Variants in FNDC1 observed in about 807,000 individuals in gnomAD.
FNDC1 encodes the protein fibronectin type III domain containing 1.
A neutral mutation model predicts 168.0 loss-of-function variants in FNDC1; 96 were observed. The observed-to-expected ratio is 0.57, with a 90% CI of 0.48 to 0.68. The LOEUF (loss-of-function observed/expected upper bound fraction) is 0.68. FNDC1 is among the 30% of genes least tolerant of loss of function. The pLI is 0.00. For synonymous variants in FNDC1, 1,099 were observed against 1,025.9 expected, an observed-to-expected ratio of 1.07 and a Z score of -1.36; for missense variants, 2,587 against 2,482.1, an observed-to-expected ratio of 1.04 and a Z score of -0.90.
In FNDC1 at chr6:159,169,662, C is replaced by G. The variant is rs1207581774; in HGVS notation, c.66C>G (p.Leu22=). 9.4e-6 allele frequency: 11 copies of G among 1,165,784 alleles called. No individual in the cohort carries two copies. Among genetic ancestry groups the G allele is most frequent in the Non-Finnish European group, 2.1e-6 (2 of 946,678 alleles). 72.2% of individuals were successfully genotyped at this position (1,165,784 alleles called of 1,614,324 possible). ...PRRLSWAALL[L]LAALLPVASS... The stretch of plus-strand genomic sequence containing the variant: ...GGCTGTCCTGGGCGGCGCTGCTGCT[C>G]TTGGCCGCGCTGCTCCCCGTCGCCT... Residue 22 remains leucine (L), a synonymous_variant, in exon 1 of 23, where the codon CTC becomes CTG. Coordinates refer to ENST00000297267, the MANE Select transcript of FNDC1 (RefSeq NM_032532.3). This position sits in a 1 kb window ranked among gnomAD's most constrained non-coding sequence, Gnocchi z 6.8.
rs1213945591 is a variant in FNDC1 at position 159,231,997 on chromosome 6, T to C, written c.1485T>C (p.Ala495=). 6.2e-6 allele frequency: 10 copies of C among 1,613,980 alleles called. No homozygotes were observed. Among genetic ancestry groups the C allele is most frequent in the East Asian group, 2.2e-5 (1 of 44,874 alleles). Residue 495 remains alanine (A), a synonymous_variant, in exon 11 of 23, where the codon GCT becomes GCC. Transcript: ENST00000297267. The stretch of plus-strand genomic sequence containing the variant: ...CCTCCCAACACCCCTCTGTGCCTGC[T>C]TCTCCCCAAGGGAGAAATGCCAAGG... ...PASSQHPSVP[A]SPQGRNAKDL...
In FNDC1 at chr6:159,272,087, A is replaced by C. The variant is rs1304303549; in HGVS notation, c.*645A>C. Reference sequence around the variant, plus strand: ...TGCAAGAATATTGATTAAAATTGCTAAATTTGTACTTGTTCACCAGATAAA... The same window carrying C: ...TGCAAGAATATTGATTAAAATTGCTCAATTTGTACTTGTTCACCAGATAAA... On this transcript the variant is annotated 3_prime_UTR_variant, in exon 23 of 23. Transcript: ENST00000297267. 6.6e-6 allele frequency: 1 copy of C among 152,274 alleles called. No individual in the cohort carries two copies. Among genetic ancestry groups the C allele is most frequent in the Non-Finnish European group, 1.5e-5 (1 of 68,096 alleles). The allele number at this position is 152,274 out of a possible 1,614,324, so 9.4% of individuals were successfully genotyped here.
chr6:159,271,399 T>G lies in FNDC1; in HGVS notation c.5642T>G (p.Val1881Gly). 6.2e-7 allele frequency: 1 copy of G among 1,612,568 alleles called. No homozygotes were observed. Among genetic ancestry groups the G allele is most frequent in the African/African-American group, 1.3e-5 (1 of 75,020 alleles). ...GGCTTCGGAACCCCCTACTACTATG[T>G]GGGCTGGTACGAGTGTGGGGTCTCC... ...NIGFGTPYYY[V>G]GWYECGVSIP... The change falls in exon 23 of 23, where the codon GTG becomes GGG. Residue 1881 changes from valine (V) to glycine (G), a missense_variant. Coordinates refer to ENST00000297267, the MANE Select transcript of FNDC1 (RefSeq NM_032532.3).
chr6:159,211,566 C>G (rs1036413061), intron 4 of FNDC1, among the ~76,000 whole-genome samples: 31 of 152,042 alleles, frequency 2.0e-4, no homozygotes, highest in African/African-American at 7.2e-4. Context: ...TTCTTTGAAA[C>G]ATTTTTTTTT....
chr6:159,244,244 C>A (rs1413842819), intron 14 of FNDC1, among the ~76,000 whole-genome samples: 6 of 152,192 alleles, frequency 3.9e-5, no homozygotes, highest in African/African-American at 1.4e-4. Flanking sequence ...AACCTGAAAA[C>A]TGATTTGAAT....
chr6:159,216,767 T>C (rs77958907), intron 5 of FNDC1, among the ~76,000 whole-genome samples: 3,109 of 152,368 alleles, frequency 0.02, 105 homozygotes, highest in African/African-American at 0.071. Flanking sequence ...TCCAGCTTGC[T>C]TCTTACTTAC....
chr6:159,169,856 T>C lies in FNDC1; in HGVS notation c.109+151T>C, dbSNP rs529842086. On this transcript the variant is annotated intron_variant, in intron 1 of 22. Transcript: ENST00000297267. This position sits in a 1 kb window ranked among gnomAD's most constrained non-coding sequence, Gnocchi z 6.8. ...GCGGGTCGGGGCACTTGGCGCCCTG[T>C]GTGGGTGGCGGGAGCGGGGACGCCT... The C allele has an allele frequency of 3.0e-4, 75 of 250,352 alleles. No homozygotes were observed. Among genetic ancestry groups the C allele is most frequent in the Admixed American group, 8.0e-4 (14 of 17,598 alleles). 15.5% of individuals were successfully genotyped at this position (250,352 alleles called of 1,614,324 possible).
intron 17 of FNDC1, among the ~76,000 whole-genome samples, chr6:159,254,319 C>T (rs189571269): frequency 1.6e-4 from 25 of 152,284 alleles, no homozygotes; most frequent in African/African-American, 5.5e-4. Flanking sequence ...CTTCTCTCCC[C>T]TCAGAGTCTC....
intron 16 of FNDC1, among the ~76,000 whole-genome samples, chr6:159,250,778 C>T (rs962841011): frequency 5.3e-5 from 8 of 152,176 alleles, no homozygotes; most frequent in South Asian, 2.1e-4. Context: ...TAGTTCAGGC[C>T]GGGCCTTATG....
chr6:159,219,754 A>G (rs1159294688), intron 5 of FNDC1, among the ~76,000 whole-genome samples: 2 of 152,184 alleles, frequency 1.3e-5, no homozygotes, highest in African/African-American at 4.8e-5. Flanking sequence ...TCAGAACTTT[A>G]AGAAATACAT....
chr6:159,263,814 G>A (rs1464743147), intron 19 of FNDC1, among the ~76,000 whole-genome samples: 1 of 151,898 alleles, frequency 6.6e-6, no homozygotes, highest in Non-Finnish European at 1.5e-5. Flanking sequence ...AATTAGCCAG[G>A]CATGATGGCG....
chr6:159,227,800 C>T (rs409843), intron 9 of FNDC1, among the ~76,000 whole-genome samples: 58,331 of 151,812 alleles, frequency 0.38, 14,338 homozygotes, highest in East Asian at 0.73. Context: ...CTAACACTAA[C>T]GAAAGCTGAT....
chr6:159,174,259 C>T (rs1781718736), intron 1 of FNDC1, among the ~76,000 whole-genome samples: 1 of 152,222 alleles, frequency 6.6e-6, no homozygotes, highest in South Asian at 2.1e-4. Context: ...ACTGTTTCAT[C>T]CATCTCTTTT....
At chr6:159,211,253 G>C (rs1040694603) in intron 4 of FNDC1, among the ~76,000 whole-genome samples, 1 of 152,188 alleles carries the variant, frequency 6.6e-6, no homozygotes, top group African/African-American at 2.4e-5. Flanking sequence ...AGATCGGTCA[G>C]TGGGACAAAC....
At chr6:159,213,218 C>A (rs957322083) in intron 4 of FNDC1, among the ~76,000 whole-genome samples, 10 of 152,202 alleles carry the variant, frequency 6.6e-5, no homozygotes, top group African/African-American at 2.4e-4. Context: ...GAGCAGAAAG[C>A]TGTTGTCCCT....
intron 21 of FNDC1, among the ~76,000 whole-genome samples, chr6:159,267,475 A>G (rs910526815): frequency 1.3e-5 from 2 of 152,076 alleles, no homozygotes; most frequent in African/African-American, 4.8e-5. Flanking sequence ...TTCATGATGT[A>G]TTCTCCAACT....
chr6:159,270,610 G>T (rs1338173988), intron 22 of FNDC1, among the ~76,000 whole-genome samples: 1 of 152,222 alleles, frequency 6.6e-6, no homozygotes, highest in Non-Finnish European at 1.5e-5. Context: ...AGGGCCAAGA[G>T]TGTGAGAGCA....
chr6:159,216,312 C>T (rs1782708905), intron 5 of FNDC1, among the ~76,000 whole-genome samples: 1 of 152,220 alleles, frequency 6.6e-6, no homozygotes, highest in Admixed American at 6.5e-5. Flanking sequence ...TATTAACCAT[C>T]ACACAGGCCA....
intron 22 of FNDC1, among the ~76,000 whole-genome samples, chr6:159,268,487 C>A (rs773682145): frequency 2.6e-5 from 4 of 152,142 alleles, no homozygotes; most frequent in Non-Finnish European, 5.9e-5. Flanking sequence ...CAGTAAAATA[C>A]AGAAAAGAGT....
Sources: gnomAD v4.1 joint callset for allele counts (sites outside exome capture counted in the v4.1 genomes callset) on GRCh38, gnomAD v4.1.1 for gene constraint, Gnocchi (gnomAD v3.1) non-coding constraint, MANE v1.5 for transcripts, NCBI Gene and HGNC (gene_info 2026-07-23, HGNC 2026-07-21) for gene names.